Variants in ZC3H12B observed in about 807,000 individuals in gnomAD.
The protein encoded by ZC3H12B is zinc finger CCCH-type containing 12B, also known as probable ribonuclease ZC3H12B.
Under a neutral mutation model 43.9 loss-of-function variants are expected in ZC3H12B, and 7 were observed. The observed-to-expected ratio is 0.16, with a 90% CI of 0.09 to 0.30. The LOEUF (loss-of-function observed/expected upper bound fraction) is 0.30, where lower values mean the gene tolerates loss of function less well. ZC3H12B is among the 10% of genes least tolerant of loss of function. The pLI is 1.00. For synonymous variants in ZC3H12B, 222 were observed against 241.7 expected (o/e 0.92, Z 0.76); for missense variants, 475 against 670.2 (o/e 0.71, Z 3.22).
chrX:65,268,008 G>C, the ZC3H12B span, among the ~76,000 whole-genome samples: 1 of 109,811 alleles, frequency 9.1e-6, no homozygotes, highest in African/African-American at 3.3e-5. Flanking sequence ...ACTAAAATCG[G>C]AGGCCCTAGC....
chrX:65,205,541 G>A, the ZC3H12B span, among the ~76,000 whole-genome samples: 1 of 111,427 alleles, frequency 9.0e-6, no homozygotes, highest in Admixed American at 9.6e-5. Context: ...TGTAATAAAA[G>A]CCATATATGA....
At chrX:65,399,598 A>G (rs1170457361) in intron 3 of ZC3H12B, among the ~76,000 whole-genome samples, 1 of 112,468 alleles carries the variant, frequency 8.9e-6, no homozygotes, top group Non-Finnish European at 1.9e-5. Flanking sequence ...GTAAATTAGT[A>G]CAACCACTAT....
At chrX:65,157,301 G>A in the ZC3H12B span, among the ~76,000 whole-genome samples, 1 of 112,191 alleles carries the variant, frequency 8.9e-6, no homozygotes, top group Non-Finnish European at 1.9e-5. Context: ...TTGCTTTAAT[G>A]CCATTGGTCT....
intron 3 of ZC3H12B, among the ~76,000 whole-genome samples, chrX:65,436,955 GTTATTA>G (rs1569408226): frequency 4.6e-5 from 5 of 109,112 alleles, no homozygotes; most frequent in Admixed American, 2.0e-4. Context: ...TATTATTATT[GTTATTA>G]TTATTATTTG....
chrX:65,091,718 CA>C, the ZC3H12B span, among the ~76,000 whole-genome samples: 9 of 110,391 alleles, frequency 8.2e-5, no homozygotes, highest in Non-Finnish European at 1.3e-4. Context: ...CAAGATCATA[CA>C]AAAAAAACAT....
chrX:65,257,423 G>A, the ZC3H12B span, among the ~76,000 whole-genome samples: 1 of 110,386 alleles, frequency 9.1e-6, no homozygotes, highest in East Asian at 2.9e-4. Flanking sequence ...TGGACACAGG[G>A]CAGAGAACAT....
At chrX:65,081,413 A>G in the ZC3H12B span, among the ~76,000 whole-genome samples, 2 of 111,592 alleles carry the variant, frequency 1.8e-5, no homozygotes, top group African/African-American at 3.3e-5. Context: ...AAAGACACAC[A>G]TAGTCTGAAA....
the ZC3H12B span, among the ~76,000 whole-genome samples, chrX:65,056,023 C>A: frequency 4.5e-5 from 5 of 111,515 alleles, no homozygotes; most frequent in Non-Finnish European, 9.4e-5. Flanking sequence ...TTTTGTTGAT[C>A]TTTTCAAAAA....
the ZC3H12B span, among the ~76,000 whole-genome samples, chrX:65,346,307 A>C: frequency 9.0e-6 from 1 of 110,542 alleles, no homozygotes; most frequent in East Asian, 2.8e-4. Context: ...GAATACATAA[A>C]CCAGCAGTAA....
the ZC3H12B span, among the ~76,000 whole-genome samples, chrX:65,280,390 G>T: frequency 9.0e-6 from 1 of 111,291 alleles, no homozygotes; most frequent in African/African-American, 3.3e-5. Context: ...GGTACAGAAG[G>T]CAAATAACAT....
the ZC3H12B span, among the ~76,000 whole-genome samples, chrX:65,206,471 G>A: frequency 8.9e-6 from 1 of 111,803 alleles, no homozygotes; most frequent in Non-Finnish European, 1.9e-5. Flanking sequence ...GTAGAAGAAT[G>A]AAACGGATCC....
the ZC3H12B span, among the ~76,000 whole-genome samples, chrX:65,130,164 T>A: frequency 1.8e-5 from 2 of 111,117 alleles, no homozygotes; most frequent in Admixed American, 9.6e-5. Flanking sequence ...CTTGGTGAGG[T>A]CTGGTTTTAA....
chrX:65,497,007 G>C, intron 1 of ZC3H12B, 125 bp from the exon 7 acceptor site: 1 of 494,352 alleles, frequency 2.0e-6, no homozygotes. Context: ...GAAAGAAAGA[G>C]AGAAAGAAAG....
the ZC3H12B span, among the ~76,000 whole-genome samples, chrX:65,262,372 C>T: frequency 1.8e-5 from 2 of 110,370 alleles, no homozygotes; most frequent in Non-Finnish European, 3.8e-5. Flanking sequence ...TTCATGTTCC[C>T]AAATAAATAA....
the ZC3H12B span, among the ~76,000 whole-genome samples, chrX:65,345,348 A>T: frequency 1.7e-3 from 189 of 112,432 alleles, no homozygotes; most frequent in African/African-American, 5.9e-3. Context: ...CATATACACC[A>T]TGGAATGCTA....
the ZC3H12B span, among the ~76,000 whole-genome samples, chrX:65,225,759 G>C: frequency 8.9e-6 from 1 of 112,124 alleles, no homozygotes; most frequent in Non-Finnish European, 1.9e-5. Flanking sequence ...GTGATCAACT[G>C]GAAGAAAGGG....
the ZC3H12B span, among the ~76,000 whole-genome samples, chrX:65,078,274 A>T: frequency 8.9e-6 from 1 of 112,420 alleles, no homozygotes; most frequent in South Asian, 3.7e-4. Flanking sequence ...ATAAATTTAG[A>T]AGTAATCAGA....
chrX:65,199,557 G>A, the ZC3H12B span, among the ~76,000 whole-genome samples: 1 of 110,064 alleles, frequency 9.1e-6, no homozygotes, highest in Admixed American at 9.8e-5. Context: ...TAAGCATTAA[G>A]TCCATCATCC....
intron 2 of ZC3H12B, among the ~76,000 whole-genome samples, chrX:65,370,676 A>G (rs920921747): frequency 2.7e-5 from 3 of 111,991 alleles, no homozygotes; most frequent in Non-Finnish European, 5.6e-5. Flanking sequence ...CAGCCATGCA[A>G]TAGTTTACAA....
Sources: allele counts gnomAD v4.1 joint callset (sites outside exome capture counted in the v4.1 genomes callset), GRCh38; gene constraint gnomAD v4.1.1; transcripts MANE v1.5; gene names NCBI Gene and HGNC (gene_info 2026-07-23, HGNC 2026-07-21).